Variants in NCAM1 observed in about 807,000 individuals in gnomAD.
NCAM1 encodes the protein antigen recognized by monoclonal antibody 5.1H11.
Under a neutral mutation model 109.8 loss-of-function variants are expected in NCAM1, and 14 were observed. The observed-to-expected ratio is 0.13, with a 90% CI of 0.08 to 0.20. NCAM1 has a LOEUF of 0.20. Ranked by LOEUF, NCAM1 falls within the 10% of genes least tolerant of loss-of-function variation. The pLI is 1.00. For synonymous variants in NCAM1, 418 were observed against 442.9 expected (o/e 0.94, Z 0.70); for missense variants, 774 against 1,109.9 (o/e 0.70, Z 4.30).
chr11:113,075,577 C>G (rs185335747), intron 1 of NCAM1, among the ~76,000 whole-genome samples: 2 of 152,104 alleles, frequency 1.3e-5, no homozygotes, highest in East Asian at 1.9e-4. Flanking sequence ...GAGGAAGGCT[C>G]TCAGCTTTCC....
Position 113,231,767 on chromosome 11 carries a change from C to T in NCAM1, c.1212C>T (p.Asp404=). The stretch of plus-strand genomic sequence containing the variant: ...CCGCCAGCAACACCATCGGCCAGGA[C>T]TCCCAGTCCATGTACCTTGAAGTGC... The part of the protein sequence containing the change: ...ICTASNTIGQ[D]SQSMYLEVQY... The change falls in exon 10 of 20, where the codon GAC becomes GAT. Residue 404 remains aspartate (D), a synonymous_variant. Coordinates refer to ENST00000316851, the MANE Select transcript of NCAM1 (RefSeq NM_181351.5). 1 of 1,614,008 alleles carries T rather than the reference C, an allele frequency of 6.2e-7. No homozygotes were observed. The highest frequency in any genetic ancestry group is 8.5e-7 in the Non-Finnish European group (1 of 1,179,898).
At chr11:113,202,239 T>C in intron 1 of NCAM1, 140 bp from the exon 2 acceptor site, 1 of 859,924 alleles carries the variant, frequency 1.2e-6, no homozygotes, top group Non-Finnish European at 1.7e-6. Context: ...CCCTTCACTC[T>C]TTCTTAAAGT....
chr11:113,062,264 C>T (rs949178296), intron 1 of NCAM1, among the ~76,000 whole-genome samples: 7 of 152,162 alleles, frequency 4.6e-5, no homozygotes, highest in Non-Finnish European at 8.8e-5. Context: ...CTTCCTTTCT[C>T]CCAGTATCTG....
At chr11:113,155,498 G>A (rs190430835) in intron 1 of NCAM1, among the ~76,000 whole-genome samples, 1,866 of 151,530 alleles carry the variant, frequency 0.012, 36 homozygotes, top group African/African-American at 0.042. Flanking sequence ...GACAGAGTGA[G>A]GCTCCATCTT....
chr11:113,242,534 C>A (rs1235680279), intron 14 of NCAM1, among the ~76,000 whole-genome samples: 1 of 152,102 alleles, frequency 6.6e-6, no homozygotes, highest in Non-Finnish European at 1.5e-5. Context: ...TGTTTGAACC[C>A]AGGAGATGGA....
At chr11:113,186,450 G>T (rs919582163) in intron 1 of NCAM1, among the ~76,000 whole-genome samples, 1 of 152,234 alleles carries the variant, frequency 6.6e-6, no homozygotes, top group African/African-American at 2.4e-5. Flanking sequence ...CTTGGGGACT[G>T]CTGATTTAGA....
rs141341152 is a variant in NCAM1 at position 113,257,838 on chromosome 11, T to C, written c.1953+1837T>C. Among the ~76,000 whole-genome samples the C allele has an allele frequency of 5.8e-3, 888 of 152,364 alleles. 10 individuals are homozygous for C. The highest frequency in any genetic ancestry group is 0.011 in the South Asian group (55 of 4,832). ...AAGAGGAAAGATACCGGAATTGCTT[T>C]CTTTTAAATGAAAGTGGGGCCACAT... is the stretch of plus-strand genomic sequence containing the variant. On this transcript the variant is annotated intron_variant, in intron 16 of 19. Transcript: ENST00000316851.
At chr11:113,263,438 C>T (rs1946062224) in intron 17 of NCAM1, 1 of 986,656 alleles carries the variant, frequency 1.0e-6, no homozygotes, top group Admixed American at 6.1e-5. Context: ...AAGAGCCAGA[C>T]CGCACTGATT....
intron 15 of NCAM1, among the ~76,000 whole-genome samples, chr11:113,252,075 G>A (rs1194431059): frequency 2.0e-5 from 3 of 152,106 alleles, no homozygotes; most frequent in East Asian, 1.9e-4. Context: ...CCACCAAGTC[G>A]GTCAAAATCT....
chr11:113,101,043 A>C (rs1186233281), intron 1 of NCAM1, among the ~76,000 whole-genome samples: 5 of 152,194 alleles, frequency 3.3e-5, no homozygotes, highest in African/African-American at 1.2e-4. Flanking sequence ...TTGTCCCCAG[A>C]AGGAGCCTGG....
At chr11:113,228,085 C>A (rs552800703) in intron 9 of NCAM1, among the ~76,000 whole-genome samples, 64 of 152,250 alleles carry the variant, frequency 4.2e-4, no homozygotes, top group African/African-American at 1.4e-3. Context: ...CTGGCCAGGG[C>A]AATCAGGCAA....
In NCAM1 at chr11:112,963,530, G is replaced by T. The variant is rs1344790642; in HGVS notation, c.52+1866G>T. 2 of 152,268 alleles carry T rather than the reference G, an allele frequency of 1.3e-5. No individual in the cohort carries two copies. The highest frequency in any genetic ancestry group is 4.8e-5 in the African/African-American group (2 of 41,448). 9.4% of individuals were successfully genotyped at this position (152,268 alleles called of 1,614,324 possible). A position where few individuals can be genotyped will look rare whatever the true frequency, so the allele number is the denominator to read the frequency against. On this transcript the variant is annotated intron_variant, in intron 1 of 19. Coordinates refer to ENST00000316851, the MANE Select transcript of NCAM1 (RefSeq NM_181351.5). The surrounding 1 kb of genome is among the most constrained non-coding windows in gnomAD (Gnocchi z 4.6). ...GGCCGTGGCAGGGCCCGGAGAGGAG[G>T]GGTGGGGACCAAGCCTAGTCCGCCT...
intron 1 of NCAM1, among the ~76,000 whole-genome samples, chr11:113,089,236 C>A (rs1939229874): frequency 2.0e-5 from 3 of 152,052 alleles, no homozygotes; most frequent in Admixed American, 2.0e-4. Flanking sequence ...TTGCTTGAAC[C>A]CAGGAGACGG....
intron 1 of NCAM1, among the ~76,000 whole-genome samples, chr11:113,085,178 G>T (rs1165356707): frequency 6.6e-6 from 1 of 152,230 alleles, no homozygotes; most frequent in Non-Finnish European, 1.5e-5. Context: ...AATTGACAAA[G>T]ATTTGTCTTG....
In NCAM1 at chr11:113,276,764, A is replaced by G. The variant is rs1197590971; in HGVS notation, c.*1377A>G. ...AAGAAAGAAACAACCTACTGTCTGG[A>G]GTCATAACACAACTTTCCTGGATTG... On this transcript the variant is annotated 3_prime_UTR_variant, in exon 20 of 20. Transcript: ENST00000316851. 1.3e-5 allele frequency: 2 copies of G among 148,330 alleles called. No homozygotes were observed. The highest frequency in any genetic ancestry group is 5.0e-5 in the African/African-American group (2 of 40,288). The allele number at this position is 148,330 out of a possible 1,614,324, so 9.2% of individuals were successfully genotyped here.
At chr11:113,003,634 A>T (rs1352123421) in intron 1 of NCAM1, among the ~76,000 whole-genome samples, 1 of 152,174 alleles carries the variant, frequency 6.6e-6, no homozygotes, top group African/African-American at 2.4e-5. Context: ...AAATATTTGG[A>T]TTAGTGCTTT....
rs1445148074 is a variant in NCAM1 at position 112,962,806 on chromosome 11, G to C, written c.52+1142G>C. On this transcript the variant is annotated intron_variant, in intron 1 of 19. Transcript: ENST00000316851. The surrounding 1 kb of genome is among the most constrained non-coding windows in gnomAD (Gnocchi z 5.6). ...GATTTGCGCTTTGGCTCTGATGGAC[G>C]GGAGGGAAGGAAGAAAAGCAGGGGC... Among the ~76,000 whole-genome samples, 7 of 152,230 alleles carry C rather than the reference G, an allele frequency of 4.6e-5. No homozygotes were observed. The highest frequency in any genetic ancestry group is 3.4e-3 in the Middle Eastern group (1 of 294).
chr11:113,060,246 T>C (rs1953869764), intron 1 of NCAM1, among the ~76,000 whole-genome samples: 1 of 152,220 alleles, frequency 6.6e-6, no homozygotes. Context: ...TGGTTTATGA[T>C]ACCATAGTGG....
At chr11:113,163,386 AC>A (rs1555104744) in intron 1 of NCAM1, among the ~76,000 whole-genome samples, 1 of 152,062 alleles carries the variant, frequency 6.6e-6, no homozygotes, top group African/African-American at 2.4e-5. Context: ...TATAATAAGA[AC>A]CTTTTTCTTC....
Sources: gnomAD v4.1 joint callset for allele counts (sites outside exome capture counted in the v4.1 genomes callset) on GRCh38, gnomAD v4.1.1 for gene constraint, Gnocchi (gnomAD v3.1) non-coding constraint, MANE v1.5 for transcripts, NCBI Gene and HGNC (gene_info 2026-07-23, HGNC 2026-07-21) for gene names.